The following E2F8 variants were observed in gnomAD, a reference collection of about 807,000 sequenced individuals.
The protein encoded by E2F8 is E2F transcription factor 8.
A neutral mutation model predicts 80.8 loss-of-function variants in E2F8; 35 were observed. The ratio of observed to expected loss-of-function variants is 0.43; its 90% CI spans 0.33 to 0.57. The LOEUF is 0.57. Ranked by LOEUF, E2F8 falls within the 20% of genes least tolerant of loss-of-function variation. The pLI is 0.04. For missense variants in E2F8, 975 were observed against 1,056.2 expected, an observed-to-expected ratio of 0.92 and a Z score of 1.07; for synonymous variants, 386 against 395.0, an observed-to-expected ratio of 0.98 and a Z score of 0.27.
rs138725272 is a variant in E2F8 at position 19,230,793 on chromosome 11, C to G, written c.1108G>C (p.Val370Leu). 48 of 1,614,172 alleles carry G rather than the reference C, an allele frequency of 3.0e-5. No individual in the cohort carries two copies. The Middle Eastern group carries it at 9.9e-4, about 33-fold the overall frequency. ...VIHFTPSDLE[V>L]RRSSKENCAK... ...CAGTTCTCTTTTGAAGACCGTCTCACCTCCAAATCAGAGGGAGTAAAATGA... is the reference window on the plus strand; with the variant it reads ...CAGTTCTCTTTTGAAGACCGTCTCAGCTCCAAATCAGAGGGAGTAAAATGA... The change falls in exon 8 of 13, where the codon GTG becomes CTG. Residue 370 changes from valine to leucine, a missense_variant. Physicochemically the swap from Val to Leu is conservative, Grantham distance 32 (BLOSUM62 1). Transcript: ENST00000250024.
intron 5 of E2F8, 31 bp downstream of exon 5, chr11:19,234,713 G>T (rs756540958): frequency 6.3e-7 from 1 of 1,582,752 alleles, no homozygotes; most frequent in South Asian, 1.2e-5. Flanking sequence ...CAAATGCCAT[G>T]CCGCCTGGAG....
chr11:19,230,133 T>G, intron 9 of E2F8, 108 bp downstream of exon 9: 1 of 1,478,902 alleles, frequency 6.8e-7, no homozygotes, highest in South Asian at 1.3e-5. Flanking sequence ...ACAGAAAAGA[T>G]TAGCTCTCCA....
In E2F8 at chr11:19,225,288, T is replaced by G. The variant is rs145907915; in HGVS notation, c.2354A>C (p.Tyr785Ser). 219 of 1,614,160 alleles carry G rather than the reference T, an allele frequency of 1.4e-4. 1 individual carries two copies. In the African/African-American group the frequency reaches 2.7e-3, roughly 20 times the overall value. ...AGTQQGRATN[Y>S]DSPVPGQSQP... ...GCTCTGGCCTGGGACTGGTGAGTCA[T>G]AGTTGGTGGCCCTTCCTTGCTGAGT... is the stretch of plus-strand genomic sequence containing the variant. Residue 785 changes from tyrosine to serine, a missense_variant, in exon 12 of 13, where the codon TAT becomes TCT. By Grantham distance (144) the Tyr-to-Ser change is moderately radical (BLOSUM62 -2). Transcript: ENST00000250024.
upstream of E2F8, chr11:19,241,490 C>A (rs1177553182): frequency 6.6e-6 from 1 of 152,566 alleles, no homozygotes; most frequent in East Asian, 1.9e-4. The surrounding 1 kb of genome is among the most constrained non-coding windows in gnomAD (Gnocchi z 4.5). Flanking sequence ...CCCGGGAGCC[C>A]GCGTACCTGG....
chr11:19,230,517 G>A, intron 8 of E2F8, 114 bp downstream of exon 8: 1 of 1,294,882 alleles, frequency 7.7e-7, no homozygotes, highest in Admixed American at 2.1e-5. Context: ...GAGGGTTTGG[G>A]TATATAGATA....
chr11:19,227,492 A>T (rs1393547120), intron 10 of E2F8, among the ~76,000 whole-genome samples: 1 of 152,200 alleles, frequency 6.6e-6, no homozygotes, highest in East Asian at 1.9e-4. Flanking sequence ...AACTATATTC[A>T]TTATAGAATC....
intron 3 of E2F8, 150 bp from the exon 4 acceptor site, chr11:19,237,620 A>T (rs1851553047): frequency 6.8e-6 from 7 of 1,033,430 alleles, no homozygotes; most frequent in Non-Finnish European, 9.7e-6. Flanking sequence ...TAGGGGGGCC[A>T]GTACAAAATG....
Position 19,230,261 on chromosome 11 carries a change from C to A in E2F8, c.1338G>T (p.Met446Ile). 6.2e-7 allele frequency: 1 copy of A among 1,613,708 alleles called. No homozygotes were observed. Among genetic ancestry groups the A allele is most frequent in the South Asian group, 1.1e-5 (1 of 90,902 alleles). ...CCTACCTTGATTGCTCTTCTAACTG[C>A]ATTTTACAAATAGCTGCGAGCTGAG... ...KMAQLAAICK[M>I]QLEEQSSESR... Residue 446 changes from methionine to isoleucine, a missense_variant, in exon 9 of 13, where the codon ATG (methionine) becomes ATT (isoleucine). Physicochemically the swap from Met to Ile is conservative, Grantham distance 10. Coordinates refer to ENST00000250024, the MANE Select transcript of E2F8 (RefSeq NM_024680.4).
At chr11:19,233,832 G>A (rs185233616) in intron 6 of E2F8, among the ~76,000 whole-genome samples, 198 of 151,936 alleles carry the variant, frequency 1.3e-3, no homozygotes, top group African/African-American at 4.4e-3. Context: ...ATGAAGCAAT[G>A]TGTCAAATAA....
At chr11:19,234,647 G>A (rs374899305) in intron 5 of E2F8, 97 bp downstream of exon 5, 2 of 1,525,426 alleles carry the variant, frequency 1.3e-6, no homozygotes, top group East Asian at 2.3e-5. Context: ...GAACATTAAA[G>A]GCAGCAGTAG....
intron 12 of E2F8, 49 bp downstream of exon 12, chr11:19,225,171 TG>T (rs756733533): frequency 6.3e-7 from 1 of 1,577,278 alleles, no homozygotes; most frequent in Non-Finnish European, 8.6e-7. Flanking sequence ...CACAGATACT[TG>T]GGGCTTAGTA....
intron 7 of E2F8, among the ~76,000 whole-genome samples, chr11:19,232,027 G>A (rs1851395951): frequency 6.6e-6 from 1 of 152,132 alleles, no homozygotes; most frequent in Non-Finnish European, 1.5e-5. Flanking sequence ...TGTCCTCTGT[G>A]GGACACGGAT....
chr11:19,229,539 C>T lies in E2F8; in HGVS notation c.1808G>A (p.Gly603Asp), dbSNP rs757937086. The T allele has an allele frequency of 6.2e-7, 1 of 1,614,250 alleles. No homozygotes were observed. Among genetic ancestry groups the T allele is most frequent in the Non-Finnish European group, 8.5e-7 (1 of 1,180,038 alleles). Residue 603 changes from glycine to aspartate, a missense_variant, in exon 10 of 13, where the codon GGC becomes GAC. By Grantham distance (94) the Gly-to-Asp change is moderately conservative. Coordinates refer to ENST00000250024, the MANE Select transcript of E2F8 (RefSeq NM_024680.4). This position sits in a 1 kb window ranked among gnomAD's most constrained non-coding sequence, Gnocchi z 4.3. ...SRTREPAGER[G>D]SKRASMLEDS... ...CTCGAGCATGCTTGCCCTCTTTGAG[C>T]CTCTTTCTCCAGCTGGCTCCCTGGT...
chr11:19,224,869 G>T, intron 12 of E2F8, 29 bp from the exon 13 acceptor site: 1 of 1,612,574 alleles, frequency 6.2e-7, no homozygotes, highest in South Asian at 1.1e-5. Flanking sequence ...ATGGACAAAA[G>T]AAGTCAACCA....
At chr11:19,231,937 A>G (rs1031360325) in intron 7 of E2F8, among the ~76,000 whole-genome samples, 1 of 152,172 alleles carries the variant, frequency 6.6e-6, no homozygotes, top group Non-Finnish European at 1.5e-5. Context: ...GCATTAATTC[A>G]AAATAATAAA....
At chr11:19,236,229 A>G (rs2133576719) in intron 4 of E2F8, among the ~76,000 whole-genome samples, 1 of 152,094 alleles carries the variant, frequency 6.6e-6, no homozygotes, top group Middle Eastern at 3.4e-3. Flanking sequence ...ACAGCTCCCT[A>G]CCTTGCTTCT....
Position 19,234,781 on chromosome 11 carries a change from C to A in E2F8, c.729G>T (p.Met243Ile). Reference protein sequence around the residue: ...SNTGPNGHPDMCFVELPGVEF... With the variant: ...SNTGPNGHPDICFVELPGVEF... ...CCACTCCAGGGAGTTCCACAAAACA[C>A]ATGTCTGGGTGTCCATTTGGGCCAG... The change falls in exon 5 of 13, where the codon ATG becomes ATT. Residue 243 changes from methionine (M) to isoleucine (I), a missense_variant. Met to Ile is a conservative substitution (Grantham distance 10, BLOSUM62 1). Coordinates refer to ENST00000250024, the MANE Select transcript of E2F8 (RefSeq NM_024680.4). 6 of 1,613,868 alleles carry A rather than the reference C, an allele frequency of 3.7e-6. No homozygotes were observed. The highest frequency in any genetic ancestry group is 5.1e-6 in the Non-Finnish European group (6 of 1,179,824).
intron 6 of E2F8, among the ~76,000 whole-genome samples, chr11:19,233,838 A>G (rs1425090386): frequency 6.6e-6 from 1 of 151,818 alleles, no homozygotes; most frequent in Admixed American, 6.6e-5. Flanking sequence ...CAATGTGTCA[A>G]ATAAGAGTAG....
Position 19,225,731 on chromosome 11 carries a change from C to G in E2F8, c.2026+1G>C, listed in dbSNP as rs1389928451. On this transcript the variant is annotated splice_donor_variant, in intron 11 of 12. Coordinates refer to ENST00000250024, the MANE Select transcript of E2F8 (RefSeq NM_024680.4). LOFTEE classifies it high-confidence loss of function. Reference sequence around the variant, plus strand: ...CTGGTTAGTGTTTTATGTGCACTCACCTGCAATTGGGGAGCTGTAAATCCT... The same window carrying G: ...CTGGTTAGTGTTTTATGTGCACTCAGCTGCAATTGGGGAGCTGTAAATCCT... The G allele has an allele frequency of 6.2e-7, 1 of 1,614,170 alleles. No homozygotes were observed. The highest frequency in any genetic ancestry group is 8.5e-7 in the Non-Finnish European group (1 of 1,180,018).
Sources: allele counts gnomAD v4.1 joint callset (sites outside exome capture counted in the v4.1 genomes callset), GRCh38; gene constraint gnomAD v4.1.1; non-coding constraint Gnocchi (gnomAD v3.1); transcripts MANE v1.5; gene names NCBI Gene and HGNC (gene_info 2026-07-23, HGNC 2026-07-21).